Variants in CEP162 observed in about 807,000 individuals in gnomAD.
The protein encoded by CEP162 is centrosomal protein of 162 kDa.
A neutral mutation model predicts 169.2 loss-of-function variants in CEP162; 141 were observed. The observed-to-expected ratio is 0.83, with a 90% CI of 0.73 to 0.96. The LOEUF (loss-of-function observed/expected upper bound fraction) is 0.96. Ranked by LOEUF, CEP162 falls within the 40% of genes least tolerant of loss-of-function variation. The pLI, the probability that CEP162 is intolerant of heterozygous loss-of-function variation, is 0.00. For missense variants in CEP162, 1,600 were observed against 1,587.2 expected (o/e 1.01, Z -0.14); for synonymous variants, 540 against 526.4 (o/e 1.03, Z -0.35).
chr6:84,201,795 T>C lies in CEP162; in HGVS notation c.688-28A>G, dbSNP rs187532214. 7.2e-4 allele frequency: 889 copies of C among 1,232,024 alleles called. 4 individuals carry two copies. The highest frequency in any genetic ancestry group is 5.5e-3 in the Middle Eastern group (29 of 5,260). The allele number at this position is 1,232,024 out of a possible 1,614,324, so 76.3% of individuals were successfully genotyped here. ...AAATTAAAAAAGGAAAATGATGATA[T>C]GTTTTGAAACCAAAATTATGTAAAA... On this transcript the variant is annotated intron_variant, in intron 7 of 26. Transcript: ENST00000403245.
intron 25 of CEP162, among the ~76,000 whole-genome samples, chr6:84,137,368 A>T (rs965420511): frequency 9.2e-5 from 14 of 152,216 alleles, no homozygotes; most frequent in Admixed American, 4.6e-4. Context: ...AAACCCTATG[A>T]TCATTCCACT....
At chr6:84,204,993 G>A (rs572834961) in intron 6 of CEP162, among the ~76,000 whole-genome samples, 1 of 151,874 alleles carries the variant, frequency 6.6e-6, no homozygotes, top group Admixed American at 6.6e-5. Flanking sequence ...GATAAATCCT[G>A]GACACATACA....
chr6:84,213,940 T>C (rs1027258301), intron 5 of CEP162, among the ~76,000 whole-genome samples: 1 of 152,174 alleles, frequency 6.6e-6, no homozygotes, highest in African/African-American at 2.4e-5. Context: ...TTGGGTAACA[T>C]TTCCGACCAA....
intron 12 of CEP162, 68 bp from the exon 13 acceptor site, chr6:84,185,516 TAATA>T: frequency 7.5e-7 from 1 of 1,325,566 alleles, no homozygotes; most frequent in Non-Finnish European, 1.0e-6. Context: ...AATGAATATT[TAATA>T]GATGGCAAAA....
chr6:84,185,322 C>A lies in CEP162; in HGVS notation c.1528G>T (p.Val510Phe), dbSNP rs770007783. 1 of 1,613,734 alleles carries A rather than the reference C, an allele frequency of 6.2e-7. No individual in the cohort carries two copies. The highest frequency in any genetic ancestry group is 2.2e-5 in the East Asian group (1 of 44,854). Reference sequence around the variant, plus strand: ...GGTTTGCCATAGCCTGAGCTCCTAACTGACGCATATAATCCACTCTGGGGT... The same window carrying A: ...GGTTTGCCATAGCCTGAGCTCCTAAATGACGCATATAATCCACTCTGGGGT... ...RKPQSGLYAS[V>F]RSSGYGKPSS... is the part of the protein sequence containing the mutation. Residue 510 changes from valine (V) to phenylalanine (F), a missense_variant, in exon 13 of 27, where the codon GTT becomes TTT. Val to Phe is a conservative substitution (Grantham distance 50). Coordinates refer to ENST00000403245, the MANE Select transcript of CEP162 (RefSeq NM_014895.4).
chr6:84,163,244 GTC>G lies in CEP162; in HGVS notation c.2410_2411del (p.Asp804HisfsTer12), dbSNP rs763946795. On this transcript the variant is annotated frameshift_variant, in exon 19 of 27. Coordinates refer to ENST00000403245, the MANE Select transcript of CEP162 (RefSeq NM_014895.4). LOFTEE classifies it high-confidence loss of function. Reference protein sequence around the residue: ...AQKEKDSLLEDIKRLKQDKQA... With the variant: ...AQKEKDSLLEXIKRLKQDKQA... ...GTTTGTCTTGTTTCAGTCTTTTGAT[GTC>G]TTCCAATAAACTGTCTTTTTCTTTC... The G allele has an allele frequency of 1.2e-6, 2 of 1,609,230 alleles. No individual in the cohort carries two copies. Among genetic ancestry groups the G allele is most frequent in the Non-Finnish European group, 1.7e-6 (2 of 1,176,418 alleles).
chr6:84,186,179 A>G (rs80028824), intron 12 of CEP162, among the ~76,000 whole-genome samples, 153 bp downstream of exon 12: 3,671 of 152,242 alleles, frequency 0.024, 135 homozygotes, highest in African/African-American at 0.084. Flanking sequence ...GCATTGTAAC[A>G]AACATCACTC....
intron 18 of CEP162, among the ~76,000 whole-genome samples, chr6:84,163,687 C>T (rs2099526630): frequency 6.6e-6 from 1 of 151,876 alleles, no homozygotes; most frequent in Non-Finnish European, 1.5e-5. Context: ...CTCTGCTGGC[C>T]AGGCGTGGTG....
At chr6:84,216,626 A>T (rs1001762504) in intron 3 of CEP162, among the ~76,000 whole-genome samples, 10 of 152,144 alleles carry the variant, frequency 6.6e-5, no homozygotes. Flanking sequence ...GACTGATTAG[A>T]TATTTGATGA....
At chr6:84,194,080 C>T (rs921723655) in intron 10 of CEP162, among the ~76,000 whole-genome samples, 1 of 152,090 alleles carries the variant, frequency 6.6e-6, no homozygotes, top group African/African-American at 2.4e-5. Context: ...CTGGGCCAGG[C>T]GCAGTGGCTC....
intron 15 of CEP162, 72 bp downstream of exon 15, chr6:84,174,655 T>C (rs1588794316): frequency 1.4e-6 from 1 of 710,370 alleles, no homozygotes; most frequent in East Asian, 2.8e-5. Context: ...GATGACAATG[T>C]ATTTAGCAGG....
chr6:84,161,967 C>G, intron 19 of CEP162, 58 bp from the exon 20 acceptor site: 1 of 1,101,620 alleles, frequency 9.1e-7, no homozygotes, highest in Non-Finnish European at 1.3e-6. Flanking sequence ...TGGAAATAAA[C>G]TAAATTAAAA....
intron 21 of CEP162, among the ~76,000 whole-genome samples, chr6:84,159,543 ATATATTTTTTTTTTTTTTTTTT>A (rs2099524747): frequency 7.3e-5 from 3 of 40,920 alleles, no homozygotes; most frequent in African/African-American, 2.0e-4. Context: ...ATATATATAT[ATATATTTTTTTTTTTTTTTTTT>A]TTTTTTTTTT....
chr6:84,164,884 A>C lies in CEP162; in HGVS notation c.2386-1614T>G, dbSNP rs148724219. Among the ~76,000 whole-genome samples, 108 of 152,206 alleles carry C rather than the reference A, an allele frequency of 7.1e-4. 1 individual carries two copies. Among genetic ancestry groups the C allele is most frequent in the African/African-American group, 2.4e-3 (100 of 41,540 alleles). On this transcript the variant is annotated intron_variant, in intron 18 of 26. Coordinates refer to ENST00000403245, the MANE Select transcript of CEP162 (RefSeq NM_014895.4). Reference sequence around the variant, plus strand: ...AAATAAACAAAACAAAACAAACAAAAAAAAAGAAAACTCCCTGCTGGCTCC... The same window carrying C: ...AAATAAACAAAACAAAACAAACAAACAAAAAGAAAACTCCCTGCTGGCTCC...
intron 7 of CEP162, 87 bp downstream of exon 7, chr6:84,203,894 C>A (rs2099545649): frequency 3.4e-6 from 2 of 587,932 alleles, no homozygotes; most frequent in African/African-American, 3.8e-5. Flanking sequence ...ATGAAGAACT[C>A]CATTTTTTGA....
At chr6:84,189,977 CTT>C (rs1455126510) in intron 11 of CEP162, among the ~76,000 whole-genome samples, 1 of 152,006 alleles carries the variant, frequency 6.6e-6, no homozygotes, top group Non-Finnish European at 1.5e-5. Context: ...CGTGGAGAGT[CTT>C]TATATCTAGC....
At chr6:84,178,330 G>A (rs2099533220) in intron 13 of CEP162, among the ~76,000 whole-genome samples, 1 of 152,002 alleles carries the variant, frequency 6.6e-6, no homozygotes, top group Non-Finnish European at 1.5e-5. Context: ...ATAATCTAAT[G>A]TCTGGGTTAG....
chr6:84,153,262 C>T (rs1004726662), intron 22 of CEP162, 83 bp from the exon 23 acceptor site: 1 of 1,268,032 alleles, frequency 7.9e-7, no homozygotes, highest in African/African-American at 1.5e-5. Context: ...CTGGGTCCTA[C>T]CTAATCCTTT....
chr6:84,186,488 T>C lies in CEP162; in HGVS notation c.1245A>G (p.Leu415=), dbSNP rs2099537185. The C allele has an allele frequency of 6.2e-7, 1 of 1,613,300 alleles. No individual in the cohort carries two copies. The highest frequency in any genetic ancestry group is 2.2e-5 in the East Asian group (1 of 44,800). Reference sequence around the variant, plus strand: ...CCATACTCTCATTTGTGGTCTTTTGTAAAATCACATTCTCATCATTTTTGT... The same window carrying C: ...CCATACTCTCATTTGTGGTCTTTTGCAAAATCACATTCTCATCATTTTTGT... The part of the protein sequence containing the change: ...FFDKNDENVI[L]QKTTNESMEN... Residue 415 remains leucine (L), a synonymous_variant, in exon 12 of 27, where the codon TTA becomes TTG. Transcript: ENST00000403245.
Sources: allele counts gnomAD v4.1 joint callset (sites outside exome capture counted in the v4.1 genomes callset), GRCh38; gene constraint gnomAD v4.1.1; transcripts MANE v1.5; gene names NCBI Gene and HGNC (gene_info 2026-07-23, HGNC 2026-07-21).